The following POLR2C variants were observed in gnomAD, a reference collection of about 807,000 sequenced individuals.
POLR2C encodes the protein RNA polymerase II subunit C.
A neutral mutation model predicts 41.7 loss-of-function variants in POLR2C; 36 were observed. That is an observed-to-expected ratio of 0.86 (90% confidence interval 0.66 to 1.14). The LOEUF (loss-of-function observed/expected upper bound fraction) is 1.14, where lower values mean the gene tolerates loss of function less well. POLR2C is among the 50% of genes most tolerant of loss of function. The pLI is 0.00. For missense variants in POLR2C, 260 were observed against 350.4 expected (o/e 0.74, Z 2.06); for synonymous variants, 133 against 137.8 (o/e 0.96, Z 0.25).
At chr16:57,463,118 C>T (rs1227847586) in intron 2 of POLR2C, 40 bp downstream of exon 2, 2 of 1,512,244 alleles carry the variant, frequency 1.3e-6, no homozygotes, top group African/African-American at 1.4e-5. Context: ...CCCACGGGTT[C>T]CTGCCCCGCT....
Position 57,469,920 on chromosome 16 carries a change from G to C in POLR2C, c.440-41G>C. The C allele has an allele frequency of 6.2e-7, 1 of 1,607,452 alleles. No homozygotes were observed. Among genetic ancestry groups the C allele is most frequent in the South Asian group, 1.1e-5 (1 of 90,648 alleles). On this transcript the variant is annotated intron_variant, in intron 6 of 8. Coordinates refer to ENST00000219252, the MANE Select transcript of POLR2C (RefSeq NM_032940.3). The surrounding 1 kb of genome is among the most constrained non-coding windows in gnomAD (Gnocchi z 5.8). ...TCCAAGTCAGAATTTGGAGAAGCAT[G>C]TCTCTCCTGGCCCTTGACTGACTTG...
chr16:57,462,980 C>A, intron 1 of POLR2C, 49 bp from the exon 2 acceptor site: 1 of 1,553,440 alleles, frequency 6.4e-7, no homozygotes, highest in Non-Finnish European at 8.9e-7. Context: ...GCGGGCCCAG[C>A]CTGTCGAGGC....
intron 2 of POLR2C, among the ~76,000 whole-genome samples, chr16:57,464,810 C>T (rs1239329127): frequency 1.3e-5 from 2 of 151,966 alleles, no homozygotes; most frequent in Admixed American, 6.6e-5. Context: ...CATTCTGAGT[C>T]TAAATGCCTC....
intron 4 of POLR2C, among the ~76,000 whole-genome samples, chr16:57,466,618 T>C (rs1213390011): frequency 1.3e-5 from 2 of 152,272 alleles, no homozygotes; most frequent in East Asian, 3.9e-4. Context: ...CTAGTCCTGG[T>C]GTCTGCAGAT....
chr16:57,469,955 C>T lies in POLR2C; in HGVS notation c.440-6C>T, dbSNP rs576941886. 329 of 1,610,976 alleles carry T rather than the reference C, an allele frequency of 2.0e-4. 3 individuals are homozygous for T. In the South Asian group the frequency reaches 3.3e-3, roughly 16 times the overall value. ...GCCCTTGACTGACTTGTGCCTCTCC[C>T]TGCAGACATCCTCATCGTCAAGTTG... On this transcript the variant is annotated splice_polypyrimidine_tract_variant and splice_region_variant and intron_variant, in intron 6 of 8. Coordinates refer to ENST00000219252, the MANE Select transcript of POLR2C (RefSeq NM_032940.3). The surrounding 1 kb of genome is among the most constrained non-coding windows in gnomAD (Gnocchi z 5.8).
rs1451686274 is a variant in POLR2C at position 57,466,006 on chromosome 16, A to G, written c.190A>G (p.Ile64Val). ...TTCCTCAGTTCTTCATGATGAATTC[A>G]TTGCTCACAGGCTTGGTGAGTACTC... is the stretch of plus-strand genomic sequence containing the variant. ...ANSSVLHDEF[I>V]AHRLGLIPLI... Residue 64 changes from isoleucine to valine, a missense_variant, in exon 3 of 9, where the codon ATT (isoleucine) becomes GTT (valine). Physicochemically the swap from Ile to Val is conservative, Grantham distance 29. Coordinates refer to ENST00000219252, the MANE Select transcript of POLR2C (RefSeq NM_032940.3). 3 of 1,598,666 alleles carry G rather than the reference A, an allele frequency of 1.9e-6. No individual in the cohort carries two copies. Among genetic ancestry groups the G allele is most frequent in the Non-Finnish European group, 2.6e-6 (3 of 1,166,090 alleles).
chr16:57,465,894 A>G (rs1598043249), intron 2 of POLR2C, 59 bp from the exon 3 acceptor site: 3 of 1,050,720 alleles, frequency 2.9e-6, no homozygotes, highest in Non-Finnish European at 4.5e-6. Flanking sequence ...GAACCACTGC[A>G]TTAAGTCTGT....
In POLR2C at chr16:57,469,650, T is replaced by C; in HGVS notation, c.388-60T>C. On this transcript the variant is annotated intron_variant, in intron 5 of 8. Transcript: ENST00000219252. This position sits in a 1 kb window ranked among gnomAD's most constrained non-coding sequence, Gnocchi z 5.8. ...CAGTCTAGAGGTGCTGGGATATGGA[T>C]GCCAGAGGAGGTGACTGGGGAGGTG... The C allele has an allele frequency of 4.4e-6, 6 of 1,369,496 alleles. No individual in the cohort carries two copies. In the East Asian group the frequency reaches 1.1e-4, roughly 26 times the overall value. The allele number at this position is 1,369,496 out of a possible 1,614,324, so 84.8% of individuals were successfully genotyped here.
At chr16:57,470,422 G>C (rs1375621810) in intron 8 of POLR2C, 68 bp downstream of exon 8, 4 of 1,168,510 alleles carry the variant, frequency 3.4e-6, no homozygotes, top group Non-Finnish European at 3.7e-6. Flanking sequence ...CAGGCCGTGA[G>C]TTAGGCATTC....
Position 57,462,775 on chromosome 16 carries a change from G to C in POLR2C, c.51G>C (p.Glu17Asp). 6.2e-7 allele frequency: 1 copy of C among 1,609,632 alleles called. No homozygotes were observed. The highest frequency in any genetic ancestry group is 8.5e-7 in the Non-Finnish European group (1 of 1,177,944). The change falls in exon 1 of 9, where the codon GAG becomes GAC. Residue 17 changes from glutamate to aspartate, a missense_variant. Glu to Asp is a conservative substitution (Grantham distance 45, BLOSUM62 2). Coordinates refer to ENST00000219252, the MANE Select transcript of POLR2C (RefSeq NM_032940.3). The stretch of plus-strand genomic sequence containing the variant: ...TGCGGATCACGGAGCTCACTGACGA[G>C]AATGTCAAGTTCATCATCGAGAACA... The part of the protein sequence containing the change: ...PTVRITELTD[E>D]NVKFIIENTD...
chr16:57,467,134 G>A (rs2030727713), intron 4 of POLR2C, among the ~76,000 whole-genome samples: 1 of 152,156 alleles, frequency 6.6e-6, no homozygotes, highest in South Asian at 2.1e-4. Flanking sequence ...TCGGGAGGCT[G>A]AGGCAGGAGA....
Position 57,465,947 on chromosome 16 carries a change from T to C in POLR2C, c.137-6T>C. On this transcript the variant is annotated splice_region_variant and splice_polypyrimidine_tract_variant and intron_variant, in intron 2 of 8. Transcript: ENST00000219252. ...AAACTCCATGTCTGCTTCTTTCATT[T>C]TTTAGCCATTGACTGGGTTCAGATT... 2 of 1,575,924 alleles carry C rather than the reference T, an allele frequency of 1.3e-6. No homozygotes were observed. The highest frequency in any genetic ancestry group is 1.7e-5 in the Admixed American group (1 of 59,972).
rs765357269 is a variant in POLR2C at position 57,465,989 on chromosome 16, T to C, written c.173T>C (p.Val58Ala). ...GTTCAGATTGATGCCAATTCCTCAG[T>C]TCTTCATGATGAATTCATTGCTCAC... ...DWVQIDANSS[V>A]LHDEFIAHRL... Residue 58 changes from valine (V) to alanine (A), a missense_variant, in exon 3 of 9, where the codon GTT becomes GCT. Val to Ala is a moderately conservative substitution (Grantham distance 64, BLOSUM62 0). Transcript: ENST00000219252. 6.2e-7 allele frequency: 1 copy of C among 1,605,722 alleles called. No homozygotes were observed. The highest frequency in any genetic ancestry group is 8.5e-7 in the Non-Finnish European group (1 of 1,172,418).
intron 2 of POLR2C, among the ~76,000 whole-genome samples, chr16:57,465,384 G>A (rs149536394): frequency 7.9e-5 from 12 of 152,342 alleles, no homozygotes; most frequent in African/African-American, 2.9e-4. Context: ...ATGTGTGATC[G>A]ATAATACAGT....
At chr16:57,467,298 C>T (rs2030732496) in intron 4 of POLR2C, among the ~76,000 whole-genome samples, 1 of 152,216 alleles carries the variant, frequency 6.6e-6, no homozygotes, top group African/African-American at 2.4e-5. Context: ...ATGCTTCTAC[C>T]TAATACTACG....
chr16:57,465,695 T>A lies in POLR2C; in HGVS notation c.137-258T>A, dbSNP rs142858155. ...CAGCTCAAATAAACATGTTTCCACT[T>A]CTATGATATTCTATAAGTCAGTGTT... On this transcript the variant is annotated intron_variant, in intron 2 of 8. Transcript: ENST00000219252. The A allele has an allele frequency of 1.5e-3, 657 of 434,420 alleles. 4 individuals are homozygous for A. The highest frequency in any genetic ancestry group is 0.013 in the African/African-American group (618 of 48,764). The allele number at this position is 434,420 out of a possible 1,614,324, so 26.9% of individuals were successfully genotyped here. A position where few individuals can be genotyped will look rare whatever the true frequency, so the allele number is the denominator to read the frequency against.
At chr16:57,468,518 T>C (rs1266720829) in intron 4 of POLR2C, among the ~76,000 whole-genome samples, 4 of 152,230 alleles carry the variant, frequency 2.6e-5, no homozygotes, top group Admixed American at 1.3e-4. Context: ...GTAACTGTCT[T>C]CTTGCCTGAA....
chr16:57,463,404 A>T, intron 2 of POLR2C: 1 of 458,210 alleles, frequency 2.2e-6, no homozygotes, highest in South Asian at 2.2e-5. Context: ...TTTATTTTGG[A>T]GTCAAGGGGT....
In POLR2C at chr16:57,469,831, C is replaced by T; in HGVS notation, c.439+70C>T. The T allele has an allele frequency of 1.3e-6, 2 of 1,562,830 alleles. No homozygotes were observed. The highest frequency in any genetic ancestry group is 8.8e-7 in the Non-Finnish European group (1 of 1,134,296). The stretch of plus-strand genomic sequence containing the variant: ...GGACCAGACACAGCCTCTCGTGCTG[C>T]CTGGTCTCCTCGAAAATTGGCTTTA... On this transcript the variant is annotated intron_variant, in intron 6 of 8. Coordinates refer to ENST00000219252, the MANE Select transcript of POLR2C (RefSeq NM_032940.3). This position sits in a 1 kb window ranked among gnomAD's most constrained non-coding sequence, Gnocchi z 5.8.
Sources: allele counts gnomAD v4.1 joint callset (sites outside exome capture counted in the v4.1 genomes callset), GRCh38; gene constraint gnomAD v4.1.1; non-coding constraint Gnocchi (gnomAD v3.1); transcripts MANE v1.5; gene names NCBI Gene and HGNC (gene_info 2026-07-23, HGNC 2026-07-21).